SLC34A1: variants seen among roughly 807,000 people sequenced by gnomAD.
The protein encoded by SLC34A1 is solute carrier family 34 member 1, also known as sodium-dependent phosphate transport protein 2A.
A neutral mutation model predicts 51.4 loss-of-function variants in SLC34A1; 57 were observed. That is an observed-to-expected ratio of 1.11 (90% CI 0.90 to 1.38). The LOEUF is 1.38. Among genes scored for constraint, SLC34A1 ranks in the 40% most tolerant of loss-of-function variants. The pLI is 0.00. For synonymous variants in SLC34A1, 368 were observed against 358.0 expected, an observed-to-expected ratio of 1.03 and a Z score of -0.32; for missense variants, 796 against 835.6, an observed-to-expected ratio of 0.95 and a Z score of 0.58.
intron 10 of SLC34A1, among the ~76,000 whole-genome samples, chr5:177,395,933 C>T (rs923369104): frequency 4.6e-5 from 7 of 152,194 alleles, no homozygotes; most frequent in African/African-American, 1.7e-4. Context: ...CATGCCCAGC[C>T]TCTTCCTATT....
rs930919942 is a variant in SLC34A1 at position 177,388,224 on chromosome 5, G to T, written c.840+35G>T. 2 of 1,613,868 alleles carry T rather than the reference G, an allele frequency of 1.2e-6. No individual in the cohort carries two copies. Among genetic ancestry groups the T allele is most frequent in the South Asian group, 1.1e-5 (1 of 91,078 alleles). On this transcript the variant is annotated intron_variant, in intron 7 of 12. Transcript: ENST00000324417. This position sits in a 1 kb window ranked among gnomAD's most constrained non-coding sequence, Gnocchi z 4.3. ...GGGCCTGGCATGGGGTGAGGGTGGG[G>T]GTAACAAGGGACCCAGCCTCCTTCA...
chr5:177,387,344 G>A (rs1332448299), intron 5 of SLC34A1, among the ~76,000 whole-genome samples: 7 of 152,132 alleles, frequency 4.6e-5, no homozygotes, highest in East Asian at 1.9e-4. Context: ...GCAGTGAGCC[G>A]AGATCATGCC....
intron 8 of SLC34A1, among the ~76,000 whole-genome samples, chr5:177,392,930 TTCA>T (rs1222203907): frequency 6.6e-6 from 1 of 152,152 alleles, no homozygotes; most frequent in Non-Finnish European, 1.5e-5. Flanking sequence ...ATTGGGAGAT[TTCA>T]TCTAGAACTT....
rs1762564016 is a variant in SLC34A1 at position 177,386,193 on chromosome 5, C to T, written c.260-28C>T. ...AGCAGTCCCTGCCCTGGCCTCTGCC[C>T]ACTATGCTCATGGCTTCCCCCATCC... On this transcript the variant is annotated intron_variant, in intron 3 of 12. Transcript: ENST00000324417. This position sits in a 1 kb window ranked among gnomAD's most constrained non-coding sequence, Gnocchi z 4.8. 2 of 1,613,990 alleles carry T rather than the reference C, an allele frequency of 1.2e-6. No individual in the cohort carries two copies. Among genetic ancestry groups the T allele is most frequent in the Non-Finnish European group, 1.7e-6 (2 of 1,180,036 alleles).
At chr5:177,392,508 G>C (rs1175710037) in intron 8 of SLC34A1, among the ~76,000 whole-genome samples, 1 of 152,104 alleles carries the variant, frequency 6.6e-6, no homozygotes, top group African/African-American at 2.4e-5. Context: ...ACCCAACAAG[G>C]CTACAAATGA....
In SLC34A1 at chr5:177,394,184, T is replaced by C; in HGVS notation, c.1163T>C (p.Val388Ala). The C allele has an allele frequency of 2.5e-6, 4 of 1,613,934 alleles. No individual in the cohort carries two copies. Among genetic ancestry groups the C allele is most frequent in the African/African-American group, 1.3e-5 (1 of 75,016 alleles). ...CAAGTGGCCAAGGTCATCCAGAAGG[T>C]CATCAATACGGGTGAGCTGCGAGCA... ...KGQVAKVIQK[V>A]INTDFPAPFT... Residue 388 changes from valine to alanine, a missense_variant, in exon 10 of 13, where the codon GTC (valine) becomes GCC (alanine). By Grantham distance (64) the Val-to-Ala change is moderately conservative. Coordinates refer to ENST00000324417, the MANE Select transcript of SLC34A1 (RefSeq NM_003052.5).
chr5:177,398,236 C>T lies in SLC34A1; in HGVS notation c.1870C>T (p.Pro624Ser), dbSNP rs748013617. ...CCTGGAGGAGCTACCCCCTGCCACA[C>T]CCTCCCCCCGTCTTGCACTGCCTGC... ...VFLEELPPAT[P>S]SPRLALPAHH... The change falls in exon 13 of 13, where the codon CCC becomes TCC. Residue 624 changes from proline (P) to serine (S), a missense_variant. Pro to Ser is a moderately conservative substitution (Grantham distance 74). Transcript: ENST00000324417. The surrounding 1 kb of genome is among the most constrained non-coding windows in gnomAD (Gnocchi z 4.7). 1.7e-5 allele frequency: 27 copies of T among 1,600,516 alleles called. No individual in the cohort carries two copies. Among genetic ancestry groups the T allele is most frequent in the Non-Finnish European group, 2.2e-5 (26 of 1,179,898 alleles).
chr5:177,393,856 C>A, intron 9 of SLC34A1, 93 bp downstream of exon 9: 1 of 1,508,012 alleles, frequency 6.6e-7, no homozygotes, highest in Non-Finnish European at 9.2e-7. Flanking sequence ...TGTGTCCAGC[C>A]CCAGGAAGCA....
Position 177,398,530 on chromosome 5 carries a change from G to A in SLC34A1, c.*244G>A. 1 of 606,814 alleles carries A rather than the reference G, an allele frequency of 1.6e-6. No individual in the cohort carries two copies. The highest frequency in any genetic ancestry group is 3.0e-6 in the Non-Finnish European group (1 of 333,434). The allele number at this position is 606,814 out of a possible 1,614,324, so 37.6% of individuals were successfully genotyped here. On this transcript the variant is annotated 3_prime_UTR_variant, in exon 13 of 13. Coordinates refer to ENST00000324417, the MANE Select transcript of SLC34A1 (RefSeq NM_003052.5). The surrounding 1 kb of genome is among the most constrained non-coding windows in gnomAD (Gnocchi z 4.7). ...TTTGTGTACAGGTGTGCCAGCCCAT[G>A]CAGGTGTACACAGACACACCTGTGG...
At position 177,398,240 on chromosome 5, in the gene SLC34A1, C is replaced by T. The variant is rs769670990; in HGVS notation, c.1874C>T (p.Ser625Phe). ...GAGGAGCTACCCCCTGCCACACCCTCCCCCCGTCTTGCACTGCCTGCTCAC... is the reference window on the plus strand; with the variant it reads ...GAGGAGCTACCCCCTGCCACACCCTTCCCCCGTCTTGCACTGCCTGCTCAC... ...FLEELPPATP[S>F]PRLALPAHHN... The change falls in exon 13 of 13, where the codon TCC becomes TTC. Residue 625 changes from serine to phenylalanine, a missense_variant. Coordinates refer to ENST00000324417, the MANE Select transcript of SLC34A1 (RefSeq NM_003052.5). This position sits in a 1 kb window ranked among gnomAD's most constrained non-coding sequence, Gnocchi z 4.7. 2 of 1,600,152 alleles carry T rather than the reference C, an allele frequency of 1.2e-6. No homozygotes were observed. Among genetic ancestry groups the T allele is most frequent in the East Asian group, 2.2e-5 (1 of 44,872 alleles).
chr5:177,398,716 C>G lies in SLC34A1; in HGVS notation c.*430C>G. ...CCTGCGTTACTGAATTTGCACACCT[C>G]CTTGCCACCTTCCTTCCTCCAAGAT... On this transcript the variant is annotated 3_prime_UTR_variant, in exon 13 of 13. Coordinates refer to ENST00000324417, the MANE Select transcript of SLC34A1 (RefSeq NM_003052.5). The surrounding 1 kb of genome is among the most constrained non-coding windows in gnomAD (Gnocchi z 4.7). 1 of 208,788 alleles carries G rather than the reference C, an allele frequency of 4.8e-6. No homozygotes were observed. Among genetic ancestry groups the G allele is most frequent in the Non-Finnish European group, 9.9e-6 (1 of 100,802 alleles). 12.9% of individuals were successfully genotyped at this position (208,788 alleles called of 1,614,324 possible).
rs538279762 is a variant in SLC34A1, at chr5:177,388,911, G to A, written c.936+539G>A. On this transcript the variant is annotated intron_variant, in intron 8 of 12. Transcript: ENST00000324417. This position sits in a 1 kb window ranked among gnomAD's most constrained non-coding sequence, Gnocchi z 4.3. ...CTAGAGGGGTTAGTGACTCAGCTGGGCCATGTTTTGGGACCCAGGTAACGT... is the reference window on the plus strand; with the variant it reads ...CTAGAGGGGTTAGTGACTCAGCTGGACCATGTTTTGGGACCCAGGTAACGT... Among the ~76,000 whole-genome samples the A allele has an allele frequency of 6.6e-6, 1 of 152,242 alleles. No homozygotes were observed. Among genetic ancestry groups the A allele is most frequent in the African/African-American group, 2.4e-5 (1 of 41,538 alleles).
intron 8 of SLC34A1, among the ~76,000 whole-genome samples, chr5:177,389,321 C>CACAGA (rs1250177699): frequency 1.3e-5 from 2 of 150,780 alleles, no homozygotes; most frequent in Admixed American, 1.3e-4. Context: ...AAATCCAAGC[C>CACAGA]ACAGCACAGC....
rs1430345949 is a variant in SLC34A1, at chr5:177,385,838, C to T, written c.97C>T (p.Pro33Ser). The T allele has an allele frequency of 2.5e-6, 4 of 1,613,454 alleles. No individual in the cohort carries two copies. The Admixed American group carries it at 5.0e-5, about 20-fold the overall frequency. The change falls in exon 2 of 13, where the codon CCC (proline) becomes TCC (serine). Residue 33 changes from proline (P) to serine (S), a missense_variant. Transcript: ENST00000324417. Reference sequence around the variant, plus strand: ...GCGAGGGACGGCCTTTGCCTACGTGCCCAGCCCTCAGGGTAAGTGCTGCTC... The same window carrying T: ...GCGAGGGACGGCCTTTGCCTACGTGTCCAGCCCTCAGGGTAAGTGCTGCTC... The part of the protein sequence containing the change: ...VMRGTAFAYV[P>S]SPQVLHRIPG...
chr5:177,397,217 C>A, intron 12 of SLC34A1, 143 bp downstream of exon 12: 3 of 1,045,378 alleles, frequency 2.9e-6, no homozygotes, highest in Admixed American at 2.2e-5. Flanking sequence ...CCATTATGGG[C>A]AAAGTAGACC....
chr5:177,398,500 T>C lies in SLC34A1; in HGVS notation c.*214T>C. ...ATGTGCACCTGTCATGTGTAGAAGC[T>C]TGTATTTGTGTACAGGTGTGCCAGC... On this transcript the variant is annotated 3_prime_UTR_variant, in exon 13 of 13. Coordinates refer to ENST00000324417, the MANE Select transcript of SLC34A1 (RefSeq NM_003052.5). The surrounding 1 kb of genome is among the most constrained non-coding windows in gnomAD (Gnocchi z 4.7). 1 of 645,254 alleles carries C rather than the reference T, an allele frequency of 1.5e-6. No homozygotes were observed. The highest frequency in any genetic ancestry group is 2.8e-6 in the Non-Finnish European group (1 of 357,060). 40.0% of individuals were successfully genotyped at this position (645,254 alleles called of 1,614,324 possible). A position where few individuals can be genotyped will look rare whatever the true frequency, so the allele number is the denominator to read the frequency against.
At position 177,386,955 on chromosome 5, in the gene SLC34A1, C is replaced by T. The variant is rs150306561; in HGVS notation, c.532+389C>T. ...GACCCAGGTTACCAAGGATAATCTC[C>T]TTTTCTTAAAGTCAGCTGACTGTAG... On this transcript the variant is annotated intron_variant, in intron 5 of 12. Coordinates refer to ENST00000324417, the MANE Select transcript of SLC34A1 (RefSeq NM_003052.5). This position sits in a 1 kb window ranked among gnomAD's most constrained non-coding sequence, Gnocchi z 4.8. Among the ~76,000 whole-genome samples, 120 of 152,178 alleles carry T rather than the reference C, an allele frequency of 7.9e-4. 1 individual carries two copies. Among genetic ancestry groups the T allele is most frequent in the African/African-American group, 2.8e-3 (115 of 41,546 alleles).
chr5:177,397,215 G>A (rs975593547), intron 12 of SLC34A1, 141 bp downstream of exon 12: 4 of 1,118,478 alleles, frequency 3.6e-6, no homozygotes, highest in Admixed American at 2.2e-5. Flanking sequence ...AACCATTATG[G>A]GCAAAGTAGA....
intron 8 of SLC34A1, chr5:177,389,755 C>A (rs544190011): frequency 2.2e-5 from 34 of 1,537,038 alleles, no homozygotes; most frequent in Non-Finnish European, 2.9e-5. Flanking sequence ...CTGCAGCTTC[C>A]GGCAGATCTC....
Sources: gnomAD v4.1 joint callset for allele counts (sites outside exome capture counted in the v4.1 genomes callset) on GRCh38, gnomAD v4.1.1 for gene constraint, Gnocchi (gnomAD v3.1) non-coding constraint, MANE v1.5 for transcripts, NCBI Gene and HGNC (gene_info 2026-07-23, HGNC 2026-07-21) for gene names.